The following LAMA2 variants were observed in gnomAD, a reference collection of about 807,000 sequenced individuals.
LAMA2 encodes laminin subunit alpha 2, also known as laminin subunit alpha-2.
In LAMA2, 269 loss-of-function variants were observed where a neutral mutation model predicts 364.8. That is an observed-to-expected ratio of 0.74 (90% CI 0.67 to 0.82). The LOEUF (loss-of-function observed/expected upper bound fraction) is 0.82, where lower values mean the gene tolerates loss of function less well. Ranked by LOEUF, LAMA2 falls within the 40% of genes least tolerant of loss-of-function variation. LAMA2 has a pLI of 0.00. For synonymous variants in LAMA2, 1,379 were observed against 1,370.6 expected (o/e 1.01, Z -0.14); for missense variants, 3,807 against 3,873.2 (o/e 0.98, Z 0.45).
chr6:129,317,722 C>A (rs1002153350), intron 27 of LAMA2, among the ~76,000 whole-genome samples: 1 of 142,746 alleles, frequency 7.0e-6, no homozygotes, highest in Non-Finnish European at 1.5e-5. Flanking sequence ...CAGGTAATTT[C>A]GTGAGTTTGC....
chr6:129,405,184 G>A (rs1453119285), intron 40 of LAMA2, among the ~76,000 whole-genome samples: 1 of 152,014 alleles, frequency 6.6e-6, no homozygotes, highest in Non-Finnish European at 1.5e-5. Context: ...TTTATTGTAT[G>A]ATTATTTTCA....
intron 12 of LAMA2, among the ~76,000 whole-genome samples, chr6:129,249,148 T>C (rs570422331): frequency 6.6e-6 from 1 of 152,300 alleles, no homozygotes; most frequent in East Asian, 1.9e-4. Flanking sequence ...CAACCAGGAA[T>C]TGCTGTCTGG....
In LAMA2 at chr6:129,065,611, G is replaced by A. The variant is rs866374954; in HGVS notation, c.396+5715G>A. On this transcript the variant is annotated intron_variant, in intron 3 of 64. Coordinates refer to ENST00000421865, the MANE Select transcript of LAMA2 (RefSeq NM_000426.4). ...ATTAGCAACATTTCCATAAACTAAC[G>A]AGGAACTATCTTTAAAAAAATCAAT... Among the ~76,000 whole-genome samples, 7 of 152,056 alleles carry A rather than the reference G, an allele frequency of 4.6e-5. No homozygotes were observed. In the South Asian group the frequency reaches 1.2e-3, roughly 27 times the overall value.
intron 1 of LAMA2, among the ~76,000 whole-genome samples, chr6:128,996,664 T>C (rs973607477): frequency 6.6e-6 from 1 of 152,200 alleles, no homozygotes; most frequent in Non-Finnish European, 1.5e-5. Flanking sequence ...AGGAATGCTT[T>C]TACACTGTTA....
chr6:129,057,603 A>G (rs1788577241), intron 2 of LAMA2, among the ~76,000 whole-genome samples: 1 of 152,174 alleles, frequency 6.6e-6, no homozygotes, highest in African/African-American at 2.4e-5. Context: ...ATGAATCTGG[A>G]AACCACTGCT....
intron 35 of LAMA2, among the ~76,000 whole-genome samples, chr6:129,386,380 T>G (rs1410767887): frequency 6.6e-6 from 1 of 152,068 alleles, no homozygotes; most frequent in Non-Finnish European, 1.5e-5. Flanking sequence ...TGTATGTTTA[T>G]ATATGTCTAT....
chr6:129,099,125 G>GTTTTTTTTTT (rs370334822), intron 4 of LAMA2, among the ~76,000 whole-genome samples: 59 of 129,754 alleles, frequency 4.5e-4, no homozygotes, highest in East Asian at 8.9e-4. Context: ...TTTTTTTTTT[G>GTTTTTTTTTT]TTTTTTTTTT....
At chr6:129,336,311 G>C (rs892600971) in intron 29 of LAMA2, among the ~76,000 whole-genome samples, 12 of 151,922 alleles carry the variant, frequency 7.9e-5, no homozygotes, top group African/African-American at 2.7e-4. Flanking sequence ...AAAAAGAATA[G>C]GTTCATTCAA....
At chr6:129,259,115 T>C (rs958093335) in intron 14 of LAMA2, among the ~76,000 whole-genome samples, 1 of 152,132 alleles carries the variant, frequency 6.6e-6, no homozygotes, top group Admixed American at 6.6e-5. Flanking sequence ...AGCTCATACA[T>C]ATTCAAAAGT....
At chr6:128,921,882 A>G (rs1481633224) in intron 1 of LAMA2, among the ~76,000 whole-genome samples, 1 of 99,272 alleles carries the variant, frequency 1.0e-5, no homozygotes, top group Non-Finnish European at 1.8e-5. Flanking sequence ...AACAGTCCCC[A>G]GAGTGTGATG....
intron 32 of LAMA2, among the ~76,000 whole-genome samples, chr6:129,358,200 T>G (rs1394048433): frequency 6.6e-6 from 1 of 152,018 alleles, no homozygotes; most frequent in Non-Finnish European, 1.5e-5. Context: ...TTGTCAACCT[T>G]AGCATTGGTC....
At chr6:128,929,824 A>T in intron 1 of LAMA2, 1 of 1,045,182 alleles carries the variant, frequency 9.6e-7, no homozygotes, top group East Asian at 2.4e-5. Context: ...GGTAGAAGAT[A>T]CGCAGTCCCT....
chr6:129,047,391 A>G (rs561978533), intron 1 of LAMA2, among the ~76,000 whole-genome samples: 2 of 152,338 alleles, frequency 1.3e-5, no homozygotes, highest in East Asian at 1.9e-4. Context: ...GAATAAATGT[A>G]TCAGGAACAA....
At chr6:129,205,861 TA>T (rs567057136) in intron 12 of LAMA2, among the ~76,000 whole-genome samples, 1 of 151,668 alleles carries the variant, frequency 6.6e-6, no homozygotes, top group Non-Finnish European at 1.5e-5. Context: ...CCCACTCTAC[TA>T]AAAATACAAA....
intron 2 of LAMA2, among the ~76,000 whole-genome samples, chr6:129,051,406 G>A (rs185539143): frequency 4.1e-5 from 6 of 147,064 alleles, no homozygotes; most frequent in African/African-American, 1.2e-4. Flanking sequence ...GCCATCTCCC[G>A]GGTTCAAGCA....
At chr6:128,913,845 T>C (rs1778133660) in intron 1 of LAMA2, among the ~76,000 whole-genome samples, 1 of 152,100 alleles carries the variant, frequency 6.6e-6, no homozygotes, top group Non-Finnish European at 1.5e-5. Context: ...AAAAGAAAAT[T>C]CGTCTGTTAT....
chr6:129,481,273 C>CAGTT lies in LAMA2; in HGVS notation c.7586_7589dup (p.Phe2531Ter). ...TTCCTTTACTCACAGAATGTTTACA[C>CAGTT]AGTTAGCTTTCCTAAGCCTGGTTTT... On this transcript the variant is annotated frameshift_variant, in exon 55 of 65. Coordinates refer to ENST00000421865, the MANE Select transcript of LAMA2 (RefSeq NM_000426.4). LOFTEE classifies it high-confidence loss of function. 1.2e-6 allele frequency: 2 copies of CAGTT among 1,613,400 alleles called. No individual in the cohort carries two copies. The highest frequency in any genetic ancestry group is 1.7e-6 in the Non-Finnish European group (2 of 1,179,452).
chr6:129,396,847 C>T (rs1032243006), intron 37 of LAMA2, among the ~76,000 whole-genome samples: 3 of 151,720 alleles, frequency 2.0e-5, no homozygotes, highest in East Asian at 3.9e-4. Flanking sequence ...CATGGTGGTG[C>T]ATGCCTGTGG....
chr6:129,478,005 TCTTG>T (rs1784159259), intron 53 of LAMA2, among the ~76,000 whole-genome samples: 2 of 22,278 alleles, frequency 9.0e-5, no homozygotes, highest in South Asian at 2.6e-3. Flanking sequence ...CTCAGGCTGG[TCTTG>T]TCTTGAACTC....
Sources: gnomAD v4.1 joint callset for allele counts (sites outside exome capture counted in the v4.1 genomes callset) on GRCh38, gnomAD v4.1.1 for gene constraint, MANE v1.5 for transcripts, NCBI Gene and HGNC (gene_info 2026-07-23, HGNC 2026-07-21) for gene names.